Variants in MSC observed in about 807,000 individuals in gnomAD.
The protein encoded by MSC is musculin.
In MSC, 16 loss-of-function variants were observed where a neutral mutation model predicts 14.4. That is an observed-to-expected ratio of 1.11 (90% CI 0.75 to 1.69). The LOEUF (loss-of-function observed/expected upper bound fraction) is 1.69. Ranked by LOEUF, MSC falls within the 40% of genes most tolerant of loss-of-function variation. MSC has a pLI of 0.00. For synonymous variants in MSC, 165 were observed against 128.5 expected, an observed-to-expected ratio of 1.28 and a Z score of -1.92; for missense variants, 320 against 288.1, an observed-to-expected ratio of 1.11 and a Z score of -0.80.
At position 71,844,197 on chromosome 8, in the gene MSC, C is replaced by CACACGCGTCCTCTTTCCT. The variant is rs1807461771; in HGVS notation, c.-37_-20dup. ...TGGACATCCCGTTGTCCCCCTTGCC[C>CACACGCGTCCTCTTTCCT]ACACGCGTCCTCTTTCCTCCCCCCT... On this transcript the variant is annotated 5_prime_UTR_variant, in exon 1 of 2. Transcript: ENST00000325509. 6.3e-7 allele frequency: 1 copy of CACACGCGTCCTCTTTCCT among 1,593,470 alleles called. No individual in the cohort carries two copies. The highest frequency in any genetic ancestry group is 8.6e-7 in the Non-Finnish European group (1 of 1,168,708).
In MSC at chr8:71,843,679, C is replaced by T; in HGVS notation, c.500G>A (p.Arg167His). The change falls in exon 1 of 2, where the codon CGC becomes CAC. Residue 167 changes from arginine to histidine, a missense_variant. By Grantham distance (29) the Arg-to-His change is conservative (BLOSUM62 0). Coordinates refer to ENST00000325509, the MANE Select transcript of MSC (RefSeq NM_005098.4). The part of the protein sequence containing the change: ...AHLRQLLQED[R>H]YENGYVHPVN... ...TGGGTGCACGTAGCCGTTCTCATAG[C>T]GGTCCTCCTGCAACAGCTGCCGCAG... 1 of 1,614,232 alleles carries T rather than the reference C, an allele frequency of 6.2e-7. No homozygotes were observed. The highest frequency in any genetic ancestry group is 2.2e-5 in the East Asian group (1 of 44,884).
In MSC at chr8:71,843,727, A is replaced by G. The variant is rs1351426962; in HGVS notation, c.452T>C (p.Leu151Pro). ...TKLSKLDTLR[L>P]ASSYIAHLRQ... Reference sequence around the variant, plus strand: ...CAGGTGAGCGATGTAACTGGAAGCCAGCCGGAGCGTGTCCAGCTTGGAGAG... The same window carrying G: ...CAGGTGAGCGATGTAACTGGAAGCCGGCCGGAGCGTGTCCAGCTTGGAGAG... Residue 151 changes from leucine (L) to proline (P), a missense_variant, in exon 1 of 2, where the codon CTG becomes CCG. Coordinates refer to ENST00000325509, the MANE Select transcript of MSC (RefSeq NM_005098.4). 6.2e-7 allele frequency: 1 copy of G among 1,614,200 alleles called. No homozygotes were observed. The highest frequency in any genetic ancestry group is 1.7e-5 in the Admixed American group (1 of 60,032).
rs372069924 is a variant in MSC, at chr8:71,842,505, C to T, written c.*156G>A. ...TGGGCGCTGTGCAGTGACAGCCACA[C>T]CCGCCACCTGTCACGATCACAGTTC... is the stretch of plus-strand genomic sequence containing the variant. On this transcript the variant is annotated 3_prime_UTR_variant, in exon 2 of 2. Transcript: ENST00000325509. 2 of 785,170 alleles carry T rather than the reference C, an allele frequency of 2.5e-6. No individual in the cohort carries two copies. The highest frequency in any genetic ancestry group is 1.7e-5 in the African/African-American group (1 of 59,094). 48.6% of individuals were successfully genotyped at this position (785,170 alleles called of 1,614,324 possible).
rs768280415 is a variant in MSC at position 71,844,233 on chromosome 8, G to C, written c.-55C>G. 1 of 1,603,190 alleles carries C rather than the reference G, an allele frequency of 6.2e-7. No individual in the cohort carries two copies. Among genetic ancestry groups the C allele is most frequent in the African/African-American group, 1.3e-5 (1 of 74,706 alleles). Reference sequence around the variant, plus strand: ...TCTTTCCTCCCCCCTGGCCAGTCTCGCTGTCTCCGCCTTCCGCTCCCTGGC... The same window carrying C: ...TCTTTCCTCCCCCCTGGCCAGTCTCCCTGTCTCCGCCTTCCGCTCCCTGGC... On this transcript the variant is annotated 5_prime_UTR_variant, in exon 1 of 2. Transcript: ENST00000325509.
chr8:71,843,241 T>G, intron 1 of MSC: 1 of 358,244 alleles, frequency 2.8e-6, no homozygotes, highest in Admixed American at 4.1e-5. Flanking sequence ...AAATGCTCTT[T>G]TATAGAGCTC....
chr8:71,843,920 C>A lies in MSC; in HGVS notation c.259G>T (p.Ala87Ser), dbSNP rs200007708. ...VAGGGGAGGS[A>S]GGGGKKPLPA... Reference sequence around the variant, plus strand: ...AGGGGCTTCTTGCCACCACCGCCCGCGCTACCACCTGCGCCGCCGCCCCCA... The same window carrying A: ...AGGGGCTTCTTGCCACCACCGCCCGAGCTACCACCTGCGCCGCCGCCCCCA... Residue 87 changes from alanine to serine, a missense_variant, in exon 1 of 2, where the codon GCG (alanine) becomes TCG (serine). Transcript: ENST00000325509. 2.6e-4 allele frequency: 407 copies of A among 1,578,478 alleles called. No homozygotes were observed. The highest frequency in any genetic ancestry group is 3.3e-4 in the Non-Finnish European group (380 of 1,164,232).
At position 71,843,958 on chromosome 8, in the gene MSC, C is replaced by T. The variant is rs572457232; in HGVS notation, c.221G>A (p.Arg74Gln). 6.4e-6 allele frequency: 10 copies of T among 1,561,718 alleles called. No individual in the cohort carries two copies. In the African/African-American group the frequency reaches 1.4e-4, roughly 21 times the overall value. ...AGSAEGCKRKRPRVAGGGGAG... is the reference protein window; with the variant it reads ...AGSAEGCKRKQPRVAGGGGAG... ...GCCGCCGCCCCCAGCCACACGGGGC[C>T]GCTTCCTCTTGCAGCCTTCCGCGCT... The change falls in exon 1 of 2, where the codon CGG (arginine) becomes CAG (glutamine). Residue 74 changes from arginine (R) to glutamine (Q), a missense_variant. Arg to Gln is a conservative substitution (Grantham distance 43). Coordinates refer to ENST00000325509, the MANE Select transcript of MSC (RefSeq NM_005098.4).
rs1807388351 is a variant in MSC at position 71,841,971 on chromosome 8, G to C, written c.*690C>G. The C allele has an allele frequency of 6.6e-6, 1 of 152,606 alleles. No homozygotes were observed. The highest frequency in any genetic ancestry group is 6.5e-5 in the Admixed American group (1 of 15,302). 9.5% of individuals were successfully genotyped at this position (152,606 alleles called of 1,614,324 possible). ...AAAGCCGGGAGCTTGGGAAGGAGACGGGATTGAAGAAGCCACCCGGCAGGG... is the reference window on the plus strand; with the variant it reads ...AAAGCCGGGAGCTTGGGAAGGAGACCGGATTGAAGAAGCCACCCGGCAGGG... On this transcript the variant is annotated 3_prime_UTR_variant, in exon 2 of 2. Transcript: ENST00000325509.
rs764180613 is a variant in MSC, at chr8:71,844,171, G to T, written c.8C>A (p.Thr3Lys). The T allele has an allele frequency of 2.6e-6, 4 of 1,563,580 alleles. No individual in the cohort carries two copies. The highest frequency in any genetic ancestry group is 3.5e-6 in the Non-Finnish European group (4 of 1,153,404). The change falls in exon 1 of 2, where the codon ACG becomes AAG. Residue 3 changes from threonine to lysine, a missense_variant. Physicochemically the swap from Thr to Lys is moderately conservative, Grantham distance 78. Transcript: ENST00000325509. ...CTCCTCCGGATCACTCACCGAGCCC[G>T]TGGACATCCCGTTGTCCCCCTTGCC... MSTGSVSDPEEME... is the reference protein window; with the variant it reads MSKGSVSDPEEME...
chr8:71,842,285 C>A lies in MSC; in HGVS notation c.*376G>T. ...AAAGGCCGGGGCTGTGTGGAACCGTCCCGCACGTGTGCGATGAATCTGGCT... is the reference window on the plus strand; with the variant it reads ...AAAGGCCGGGGCTGTGTGGAACCGTACCGCACGTGTGCGATGAATCTGGCT... On this transcript the variant is annotated 3_prime_UTR_variant, in exon 2 of 2. Coordinates refer to ENST00000325509, the MANE Select transcript of MSC (RefSeq NM_005098.4). 1 of 306,134 alleles carries A rather than the reference C, an allele frequency of 3.3e-6. No individual in the cohort carries two copies. The highest frequency in any genetic ancestry group is 6.5e-6 in the Non-Finnish European group (1 of 155,018). The allele number at this position is 306,134 out of a possible 1,614,324, so 19.0% of individuals were successfully genotyped here.
Position 71,844,051 on chromosome 8 carries a change from TC to T in MSC, c.127del (p.Asp43ThrfsTer81). ...GTCCTCCTCCTCTGCCGACGAGTTG[TC>T]ACTGGGCGAGGCGTAGCTGCGCTCT... is the stretch of plus-strand genomic sequence containing the variant. ...GVERSYASPS[D>X]NSSAEEEDPD... On this transcript the variant is annotated frameshift_variant, in exon 1 of 2. Transcript: ENST00000325509. LOFTEE classifies it high-confidence loss of function. The T allele has an allele frequency of 6.5e-7, 1 of 1,547,108 alleles. No individual in the cohort carries two copies. Among genetic ancestry groups the T allele is most frequent in the South Asian group, 1.2e-5 (1 of 80,100 alleles).
chr8:71,842,808 T>A, intron 1 of MSC, 61 bp from the exon 2 acceptor site: 1 of 1,440,406 alleles, frequency 6.9e-7, no homozygotes, highest in South Asian at 1.1e-5. Flanking sequence ...CCGAAACAGC[T>A]CTCCTACGCG....
intron 1 of MSC, 45 bp downstream of exon 1, chr8:71,843,600 T>C: frequency 6.2e-7 from 1 of 1,613,666 alleles, no homozygotes; most frequent in African/African-American, 1.3e-5. Context: ...GCGCCCTGGG[T>C]ATCTCCTGGC....
chr8:71,842,410 C>G lies in MSC; in HGVS notation c.*251G>C, dbSNP rs1807401570. ...CCCGAGGGTGGACCTGCGTCCGCGT[C>G]TCGTCACGAAAGGAAGCTCTTTTTG... On this transcript the variant is annotated 3_prime_UTR_variant, in exon 2 of 2. Coordinates refer to ENST00000325509, the MANE Select transcript of MSC (RefSeq NM_005098.4). 2.1e-6 allele frequency: 1 copy of G among 479,588 alleles called. No individual in the cohort carries two copies. The highest frequency in any genetic ancestry group is 3.9e-6 in the Non-Finnish European group (1 of 259,390). 29.7% of individuals were successfully genotyped at this position (479,588 alleles called of 1,614,324 possible).
Position 71,842,527 on chromosome 8 carries a change from GT to G in MSC, c.*133del. On this transcript the variant is annotated 3_prime_UTR_variant, in exon 2 of 2. Coordinates refer to ENST00000325509, the MANE Select transcript of MSC (RefSeq NM_005098.4). Reference sequence around the variant, plus strand: ...ACACCCGCCACCTGTCACGATCACAGTTCCAGGGAAAGGGGAAGGGTCAAGG... The same window carrying G: ...ACACCCGCCACCTGTCACGATCACAGTCCAGGGAAAGGGGAAGGGTCAAGG... The G allele has an allele frequency of 1.1e-6, 1 of 887,744 alleles. No homozygotes were observed. Among genetic ancestry groups the G allele is most frequent in the Non-Finnish European group, 1.9e-6 (1 of 535,040 alleles). 55.0% of individuals were successfully genotyped at this position (887,744 alleles called of 1,614,324 possible). A position where few individuals can be genotyped will look rare whatever the true frequency, so the allele number is the denominator to read the frequency against.
rs753544887 is a variant in MSC, at chr8:71,843,720, G to A, written c.459C>T (p.Ser153=). The A allele has an allele frequency of 3.7e-6, 6 of 1,614,196 alleles. No individual in the cohort carries two copies. The highest frequency in any genetic ancestry group is 5.1e-6 in the Non-Finnish European group (6 of 1,180,036). ...LSKLDTLRLA[S]SYIAHLRQLL... is the part of the protein sequence containing the mutation. ...GCTGCCGCAGGTGAGCGATGTAACTGGAAGCCAGCCGGAGCGTGTCCAGCT... is the reference window on the plus strand; with the variant it reads ...GCTGCCGCAGGTGAGCGATGTAACTAGAAGCCAGCCGGAGCGTGTCCAGCT... The change falls in exon 1 of 2, where the codon TCC becomes TCT. Residue 153 remains serine, a synonymous_variant. Transcript: ENST00000325509.
In MSC at chr8:71,844,277, G is replaced by A. The variant is rs1807464122; in HGVS notation, c.-99C>T. Reference sequence around the variant, plus strand: ...CCCTGGCGGAGGCGGAGGCCAGAGAGCGCTCCAAGGAAGACTAAAAACCCA... The same window carrying A: ...CCCTGGCGGAGGCGGAGGCCAGAGAACGCTCCAAGGAAGACTAAAAACCCA... On this transcript the variant is annotated 5_prime_UTR_variant, in exon 1 of 2. Transcript: ENST00000325509. The A allele has an allele frequency of 6.5e-7, 1 of 1,544,462 alleles. No homozygotes were observed. The highest frequency in any genetic ancestry group is 1.4e-5 in the African/African-American group (1 of 73,610).
At chr8:71,842,944 G>A in intron 1 of MSC, 197 bp from the exon 2 acceptor site, 1 of 542,050 alleles carries the variant, frequency 1.8e-6, no homozygotes, top group East Asian at 3.5e-5. Context: ...TGCCATATCC[G>A]TTCACGCTTC....
In MSC at chr8:71,844,016, C is replaced by A. The variant is rs1439093112; in HGVS notation, c.163G>T (p.Glu55Ter). Residue 55 changes from glutamate (E) to a stop codon, truncating the protein, a stop_gained, in exon 1 of 2, where the codon GAG (glutamate) becomes TAG (stop). Coordinates refer to ENST00000325509, the MANE Select transcript of MSC (RefSeq NM_005098.4). LOFTEE classifies it high-confidence loss of function. The part of the protein sequence containing the change: ...SSAEEEDPDG[E>*]EERCALGTAG... ...GTGCCCAGAGCGCAGCGCTCCTCCT[C>A]GCCGTCGGGGTCCTCCTCCTCTGCC... The A allele has an allele frequency of 6.3e-7, 1 of 1,576,840 alleles. No individual in the cohort carries two copies. The highest frequency in any genetic ancestry group is 1.1e-5 in the South Asian group (1 of 86,962).
Sources: allele counts gnomAD v4.1 joint callset, GRCh38; gene constraint gnomAD v4.1.1; transcripts MANE v1.5; gene names NCBI Gene and HGNC (gene_info 2026-07-23, HGNC 2026-07-21).